Variants in CSNK1G2 observed in about 807,000 individuals in gnomAD.
CSNK1G2 encodes the protein casein kinase I isoform gamma-2.
Under a neutral mutation model 48.0 loss-of-function variants are expected in CSNK1G2, and 11 were observed. The observed-to-expected ratio is 0.23, with a 90% CI of 0.14 to 0.38. The LOEUF (loss-of-function observed/expected upper bound fraction) is 0.38, where lower values mean the gene tolerates loss of function less well. CSNK1G2 is among the 10% of genes least tolerant of loss of function. The pLI, the probability that CSNK1G2 is intolerant of heterozygous loss-of-function variation, is 1.00. For missense variants in CSNK1G2, 446 were observed against 595.5 expected (o/e 0.75, Z 2.61); for synonymous variants, 337 against 254.1 (o/e 1.33, Z -3.10).
rs560910040 is a variant in CSNK1G2 at position 1,941,992 on chromosome 19, C to T, written c.-266+574C>T. On this transcript the variant is annotated intron_variant, in intron 1 of 11. Coordinates refer to ENST00000255641, the MANE Select transcript of CSNK1G2 (RefSeq NM_001319.7). ...GCCTCCTCCTGTCTTGGCCTGGCCC[C>T]TCCCCACGCAGCTGTGTCCCCGTCC... is the stretch of plus-strand genomic sequence containing the variant. Among the ~76,000 whole-genome samples, 168 of 152,226 alleles carry T rather than the reference C, an allele frequency of 1.1e-3. 1 individual carries two copies. The highest frequency in any genetic ancestry group is 3.9e-3 in the African/African-American group (164 of 41,560).
chr19:1,980,104 C>G lies in CSNK1G2; in HGVS notation c.1194-45C>G, dbSNP rs373197207. 6.8e-6 allele frequency: 11 copies of G among 1,610,274 alleles called. No individual in the cohort carries two copies. The South Asian group carries it at 1.2e-4, about 18-fold the overall frequency. ...GAGGGCCTGAGGCCTGGGCTGCCCC[C>G]GCCCTGCACCCCGGTCCTCCTACCT... On this transcript the variant is annotated intron_variant, in intron 11 of 11. Coordinates refer to ENST00000255641, the MANE Select transcript of CSNK1G2 (RefSeq NM_001319.7).
chr19:1,965,172 G>A (rs779700133), intron 1 of CSNK1G2, among the ~76,000 whole-genome samples: 8 of 149,416 alleles, frequency 5.4e-5, no homozygotes, highest in Non-Finnish European at 7.4e-5. Context: ...AAGGCGGGCA[G>A]ATCACGAGGT....
chr19:1,977,244 A>ATGCCTGTCG (rs1204591233), intron 2 of CSNK1G2, among the ~76,000 whole-genome samples: 1 of 152,178 alleles, frequency 6.6e-6, no homozygotes, highest in African/African-American at 2.4e-5. Flanking sequence ...AGACACGTTC[A>ATGCCTGTCG]TGCCTGTCGT....
chr19:1,944,210 GGATCTGCA>G (rs1404294728), intron 1 of CSNK1G2, among the ~76,000 whole-genome samples: 14 of 152,106 alleles, frequency 9.2e-5, no homozygotes, highest in Non-Finnish European at 1.5e-5. Context: ...CCCATCCCGC[GGATCTGCA>G]GATCTGCAAA....
Position 1,978,739 on chromosome 19 carries a change from G to T in CSNK1G2, c.436G>T (p.Ala146Ser). 1 of 1,376,302 alleles carries T rather than the reference G, an allele frequency of 7.3e-7. No homozygotes were observed. Among genetic ancestry groups the T allele is most frequent in the East Asian group, 3.1e-5 (1 of 32,688 alleles). The allele number at this position is 1,376,302 out of a possible 1,614,324, so 85.3% of individuals were successfully genotyped here. ...CACGCTCAAGACGGTGCTGATGATC[G>T]CCATCCAGCTGGTGCGCGGCGGGCG... ...TFTLKTVLMI[A>S]IQLITRMEYV... is the part of the protein sequence containing the mutation. Residue 146 changes from alanine to serine, a missense_variant, in exon 5 of 12, where the codon GCC becomes TCC. Transcript: ENST00000255641. The surrounding 1 kb of genome is among the most constrained non-coding windows in gnomAD (Gnocchi z 7.3).
intron 2 of CSNK1G2, among the ~76,000 whole-genome samples, chr19:1,974,072 G>A (rs182554431): frequency 6.6e-6 from 1 of 152,044 alleles, no homozygotes; most frequent in African/African-American, 2.4e-5. Context: ...ATTTTCAGTA[G>A]AGACAGGGTT....
chr19:1,947,120 G>A (rs2014592703), intron 1 of CSNK1G2, among the ~76,000 whole-genome samples: 1 of 152,196 alleles, frequency 6.6e-6, no homozygotes, highest in Admixed American at 6.5e-5. Context: ...GTGTTTCGTT[G>A]ATGCGTAATT....
intron 1 of CSNK1G2, among the ~76,000 whole-genome samples, chr19:1,944,425 G>C (rs2014478998): frequency 6.6e-6 from 1 of 152,176 alleles, no homozygotes; most frequent in Admixed American, 6.5e-5. Flanking sequence ...TACAGATGAG[G>C]AAGTCGAGGC....
In CSNK1G2 at chr19:1,978,738, C is replaced by A. The variant is rs751831667; in HGVS notation, c.435C>A (p.Ile145=). The A allele has an allele frequency of 3.8e-6, 6 of 1,593,046 alleles. No individual in the cohort carries two copies. The highest frequency in any genetic ancestry group is 1.1e-5 in the South Asian group (1 of 88,842). The change falls in exon 5 of 12, where the codon ATC becomes ATA. Residue 145 remains isoleucine (I), a synonymous_variant. Coordinates refer to ENST00000255641, the MANE Select transcript of CSNK1G2 (RefSeq NM_001319.7). This position sits in a 1 kb window ranked among gnomAD's most constrained non-coding sequence, Gnocchi z 7.3. ...RTFTLKTVLM[I]AIQLITRMEY... ...TCACGCTCAAGACGGTGCTGATGATCGCCATCCAGCTGGTGCGCGGCGGGC... is the reference window on the plus strand; with the variant it reads ...TCACGCTCAAGACGGTGCTGATGATAGCCATCCAGCTGGTGCGCGGCGGGC...
chr19:1,980,492 C>T lies in CSNK1G2; in HGVS notation c.*289C>T, dbSNP rs1331002838. On this transcript the variant is annotated 3_prime_UTR_variant, in exon 12 of 12. Coordinates refer to ENST00000255641, the MANE Select transcript of CSNK1G2 (RefSeq NM_001319.7). ...AAAGAGGAAAAAAAAAACAGAGGCC[C>T]GCCCTACCCCACTCCTGCCCCTCCG... is the stretch of plus-strand genomic sequence containing the variant. 1.9e-5 allele frequency: 9 copies of T among 482,176 alleles called. No homozygotes were observed. The highest frequency in any genetic ancestry group is 7.6e-5 in the Admixed American group (2 of 26,258). 29.9% of individuals were successfully genotyped at this position (482,176 alleles called of 1,614,324 possible).
intron 2 of CSNK1G2, among the ~76,000 whole-genome samples, chr19:1,972,916 G>A (rs1161142901): frequency 1.4e-5 from 2 of 146,802 alleles, no homozygotes; most frequent in East Asian, 2.0e-4. Flanking sequence ...GAGTTACCGC[G>A]CCTCGCCTGC....
intron 2 of CSNK1G2, among the ~76,000 whole-genome samples, chr19:1,977,540 C>T (rs919861573): frequency 1.3e-5 from 2 of 152,150 alleles, no homozygotes; most frequent in African/African-American, 4.8e-5. Context: ...ATCGCTTGAG[C>T]TCAGGAGTTC....
chr19:1,955,324 G>T (rs1165678073), intron 1 of CSNK1G2, among the ~76,000 whole-genome samples: 2 of 151,780 alleles, frequency 1.3e-5, no homozygotes, highest in Non-Finnish European at 2.9e-5. Flanking sequence ...CTGCTGCGAG[G>T]GCCTCAGGCG....
At chr19:1,943,683 C>T (rs1436108632) in intron 1 of CSNK1G2, among the ~76,000 whole-genome samples, 6 of 152,226 alleles carry the variant, frequency 3.9e-5, no homozygotes, top group Admixed American at 6.5e-5. Context: ...CAGACTCTAG[C>T]GCCCCAGCAG....
At chr19:1,952,638 G>A (rs1030107169) in intron 1 of CSNK1G2, 5 of 162,320 alleles carry the variant, frequency 3.1e-5, no homozygotes, top group African/African-American at 2.4e-5. Flanking sequence ...AAAAAAACCC[G>A]ATCCTTGAAG....
intron 1 of CSNK1G2, among the ~76,000 whole-genome samples, chr19:1,963,041 C>CTCCA (rs1351880616): frequency 1.3e-5 from 2 of 152,108 alleles, no homozygotes; most frequent in Non-Finnish European, 2.9e-5. Context: ...ACCTTCAGGA[C>CTCCA]GCCAGGCTCA....
rs765353531 is a variant in CSNK1G2 at position 1,981,095 on chromosome 19, GC to G, written c.*895del. On this transcript the variant is annotated 3_prime_UTR_variant, in exon 12 of 12. Coordinates refer to ENST00000255641, the MANE Select transcript of CSNK1G2 (RefSeq NM_001319.7). Reference sequence around the variant, plus strand: ...AAAACGCCTTAAAGCCCCCGGCCCAGCCCTGCAGGTATATTGCAGGGGCCTG... The same window carrying G: ...AAAACGCCTTAAAGCCCCCGGCCCAGCCTGCAGGTATATTGCAGGGGCCTG... 3 of 152,220 alleles carry G rather than the reference GC, an allele frequency of 2.0e-5. No homozygotes were observed. The highest frequency in any genetic ancestry group is 6.5e-5 in the Admixed American group (1 of 15,282). 9.4% of individuals were successfully genotyped at this position (152,220 alleles called of 1,614,324 possible).
At chr19:1,960,376 C>T (rs1044637997) in intron 1 of CSNK1G2, among the ~76,000 whole-genome samples, 4 of 152,186 alleles carry the variant, frequency 2.6e-5, no homozygotes, top group African/African-American at 7.2e-5. Context: ...TGCTGCCTCT[C>T]GGGCAGCCTC....
chr19:1,964,471 G>A (rs1051531382), intron 1 of CSNK1G2, among the ~76,000 whole-genome samples: 1 of 152,090 alleles, frequency 6.6e-6, no homozygotes, highest in South Asian at 2.1e-4. Flanking sequence ...TGGAAGAAGC[G>A]GTTCCCTGGC....
Sources: allele counts gnomAD v4.1 joint callset (sites outside exome capture counted in the v4.1 genomes callset), GRCh38; gene constraint gnomAD v4.1.1; non-coding constraint Gnocchi (gnomAD v3.1); transcripts MANE v1.5; gene names NCBI Gene and HGNC (gene_info 2026-07-23, HGNC 2026-07-21).